TFAP2D: variants seen among roughly 807,000 people sequenced by gnomAD.
The protein encoded by TFAP2D is transcription factor AP-2 delta.
A neutral mutation model predicts 43.6 loss-of-function variants in TFAP2D; 9 were observed. The observed-to-expected ratio is 0.21, with a 90% CI of 0.12 to 0.36. The LOEUF (loss-of-function observed/expected upper bound fraction) is 0.36, where lower values mean the gene tolerates loss of function less well. Ranked by LOEUF, TFAP2D falls within the 10% of genes least tolerant of loss-of-function variation. The pLI is 1.00. For missense variants in TFAP2D, 513 were observed against 561.4 expected, an observed-to-expected ratio of 0.91 and a Z score of 0.87; for synonymous variants, 256 against 224.9, an observed-to-expected ratio of 1.14 and a Z score of -1.24.
chr6:50,762,320 AT>A (rs1230870273), intron 7 of TFAP2D, among the ~76,000 whole-genome samples: 1 of 151,950 alleles, frequency 6.6e-6, no homozygotes, highest in African/African-American at 2.4e-5. Flanking sequence ...AGAAGATGCC[AT>A]TTTACAAGTC....
intron 3 of TFAP2D, among the ~76,000 whole-genome samples, chr6:50,720,945 C>T (rs575971689): frequency 6.6e-6 from 1 of 152,304 alleles, no homozygotes; most frequent in South Asian, 2.1e-4. Flanking sequence ...AGATACCTGA[C>T]AGAGGGTGGA....
At chr6:50,714,606 A>G (rs1450572553) in intron 1 of TFAP2D, among the ~76,000 whole-genome samples, 2 of 152,136 alleles carry the variant, frequency 1.3e-5, no homozygotes, top group Non-Finnish European at 2.9e-5. Context: ...TATATGGACA[A>G]TGATTTTGAG....
chr6:50,766,947 C>A (rs573381150), intron 7 of TFAP2D, among the ~76,000 whole-genome samples: 4 of 152,110 alleles, frequency 2.6e-5, no homozygotes, highest in African/African-American at 4.8e-5. Context: ...GGATTACAGG[C>A]GTGAGCCACC....
intron 7 of TFAP2D, among the ~76,000 whole-genome samples, chr6:50,753,352 A>G (rs1229959841): frequency 6.6e-6 from 1 of 151,980 alleles, no homozygotes; most frequent in Non-Finnish European, 1.5e-5. Context: ...CATCAGCTAC[A>G]GTGTGAAATA....
Position 50,745,266 on chromosome 6 carries a change from A to T in TFAP2D, c.1025+18A>T, listed in dbSNP as rs1468576860. 11 of 1,611,458 alleles carry T rather than the reference A, an allele frequency of 6.8e-6. No homozygotes were observed. The highest frequency in any genetic ancestry group is 8.5e-6 in the Non-Finnish European group (10 of 1,179,192). ...GCGACCAAGTAAGCAGAATGGGGAAACCTCTGTGTGCTTTCATCTTCAGTA... is the reference window on the plus strand; with the variant it reads ...GCGACCAAGTAAGCAGAATGGGGAATCCTCTGTGTGCTTTCATCTTCAGTA... On this transcript the variant is annotated intron_variant, in intron 6 of 7. Coordinates refer to ENST00000008391, the MANE Select transcript of TFAP2D (RefSeq NM_172238.4).
Position 50,736,415 on chromosome 6 carries a change from T to G in TFAP2D, c.883+7103T>G, listed in dbSNP as rs141948498. The stretch of plus-strand genomic sequence containing the variant: ...TGTCTTATTCTAAGCACAGAATAAT[T>G]TCTATCTAGGAGACTCTGCTTCAGT... On this transcript the variant is annotated intron_variant, in intron 5 of 7. Coordinates refer to ENST00000008391, the MANE Select transcript of TFAP2D (RefSeq NM_172238.4). Among the ~76,000 whole-genome samples the G allele has an allele frequency of 4.8e-3, 734 of 152,256 alleles. 3 individuals are homozygous for G. Among genetic ancestry groups the G allele is most frequent in the Middle Eastern group, 0.014 (4 of 294 alleles).
chr6:50,772,033 A>G (rs1457916349), intron 7 of TFAP2D, among the ~76,000 whole-genome samples: 1 of 152,206 alleles, frequency 6.6e-6, no homozygotes, highest in African/African-American at 2.4e-5. Flanking sequence ...AAAATGTGGC[A>G]CATATACACC....
At chr6:50,752,055 T>C (rs1051813070) in intron 7 of TFAP2D, among the ~76,000 whole-genome samples, 5 of 151,878 alleles carry the variant, frequency 3.3e-5, no homozygotes, top group African/African-American at 1.2e-4. Flanking sequence ...TAACAGGATA[T>C]CACTGACTGG....
At chr6:50,714,879 G>C (rs1232588501) in intron 1 of TFAP2D, among the ~76,000 whole-genome samples, 1 of 151,988 alleles carries the variant, frequency 6.6e-6, no homozygotes, top group Non-Finnish European at 1.5e-5. Flanking sequence ...ATAGGGTGGG[G>C]GATTTTTTTT....
At chr6:50,753,524 C>A (rs564900729) in intron 7 of TFAP2D, among the ~76,000 whole-genome samples, 127 of 151,928 alleles carry the variant, frequency 8.4e-4, no homozygotes, top group Non-Finnish European at 1.5e-3. Context: ...TTATTTACCT[C>A]CCCATACAGA....
Position 50,714,012 on chromosome 6 carries a change from T to C in TFAP2D, c.-44T>C. On this transcript the variant is annotated 5_prime_UTR_variant, in exon 1 of 8. Transcript: ENST00000008391. ...TGGATTTTTTTTTCCCGATTCTTTT[T>C]TTGGAGGGGGAAATTGCATCGTAAG... is the stretch of plus-strand genomic sequence containing the variant. The C allele has an allele frequency of 6.2e-7, 1 of 1,610,100 alleles. No homozygotes were observed. The highest frequency in any genetic ancestry group is 8.5e-7 in the Non-Finnish European group (1 of 1,178,964).
In TFAP2D at chr6:50,713,650, C is replaced by G. The variant is rs944837840; in HGVS notation, c.-406C>G. On this transcript the variant is annotated 5_prime_UTR_variant, in exon 1 of 8. Coordinates refer to ENST00000008391, the MANE Select transcript of TFAP2D (RefSeq NM_172238.4). ...AAAATGGATAAAAATGTTGAAAGAACCTCCAGTTCCTTATTAGGCGAAGAT... is the reference window on the plus strand; with the variant it reads ...AAAATGGATAAAAATGTTGAAAGAAGCTCCAGTTCCTTATTAGGCGAAGAT... Among the ~76,000 whole-genome samples, 1 of 152,118 alleles carries G rather than the reference C, an allele frequency of 6.6e-6. No homozygotes were observed. The highest frequency in any genetic ancestry group is 1.5e-5 in the Non-Finnish European group (1 of 68,016).
chr6:50,733,489 T>G (rs1480112752), intron 5 of TFAP2D, among the ~76,000 whole-genome samples: 1 of 152,092 alleles, frequency 6.6e-6, no homozygotes, highest in East Asian at 1.9e-4. Flanking sequence ...GTTGGAATAA[T>G]TTTATACTCT....
intron 7 of TFAP2D, among the ~76,000 whole-genome samples, chr6:50,765,632 A>G (rs990960629): frequency 2.0e-5 from 3 of 152,004 alleles, no homozygotes; most frequent in Non-Finnish European, 4.4e-5. Context: ...ATCTGTTCAT[A>G]TACTTACTAT....
intron 7 of TFAP2D, among the ~76,000 whole-genome samples, chr6:50,760,783 CT>C: frequency 6.6e-6 from 1 of 151,988 alleles, no homozygotes; most frequent in South Asian, 2.1e-4. Flanking sequence ...TCTCCATGGC[CT>C]ACATTTAGAA....
chr6:50,752,494 A>G lies in TFAP2D; in HGVS notation c.1139+1170A>G, dbSNP rs1017363285. 7.2e-5 allele frequency among the ~76,000 whole-genome samples: 11 copies of G among 151,916 alleles called. No homozygotes were observed. In the Admixed American group the frequency reaches 7.2e-4, roughly 10 times the overall value. On this transcript the variant is annotated intron_variant, in intron 7 of 7. Coordinates refer to ENST00000008391, the MANE Select transcript of TFAP2D (RefSeq NM_172238.4). Reference sequence around the variant, plus strand: ...CATTAAATATTAAAATGCTTTCAATACCTGTCAAAAATTGTAAAGCTGTTG... The same window carrying G: ...CATTAAATATTAAAATGCTTTCAATGCCTGTCAAAAATTGTAAAGCTGTTG...
intron 7 of TFAP2D, among the ~76,000 whole-genome samples, chr6:50,772,250 C>T (rs369153858): frequency 6.1e-5 from 9 of 147,142 alleles, no homozygotes; most frequent in South Asian, 2.2e-4. Context: ...ATGGGGTGGG[C>T]GGAGGGGGGA....
At chr6:50,754,841 G>A (rs1177215629) in intron 7 of TFAP2D, among the ~76,000 whole-genome samples, 1 of 151,738 alleles carries the variant, frequency 6.6e-6, no homozygotes, top group Non-Finnish European at 1.5e-5. Context: ...TAAGCTGGAG[G>A]TTTTTATATA....
At chr6:50,755,337 A>T (rs1252088452) in intron 7 of TFAP2D, among the ~76,000 whole-genome samples, 1 of 151,938 alleles carries the variant, frequency 6.6e-6, no homozygotes, top group Non-Finnish European at 1.5e-5. Context: ...GGATAGCAAA[A>T]GTCAGCTTGT....
Sources: gnomAD v4.1 joint callset for allele counts (sites outside exome capture counted in the v4.1 genomes callset) on GRCh38, gnomAD v4.1.1 for gene constraint, MANE v1.5 for transcripts, NCBI Gene and HGNC (gene_info 2026-07-23, HGNC 2026-07-21) for gene names.